The following RORA variants were observed in gnomAD, a reference collection of about 807,000 sequenced individuals.
RORA encodes the protein nuclear receptor ROR-alpha.
In RORA, 7 loss-of-function variants were observed where a neutral mutation model predicts 69.5. The observed-to-expected ratio is 0.10, with a 90% confidence interval of 0.06 to 0.19. RORA has a LOEUF of 0.19. RORA is among the 10% of genes least tolerant of loss of function. The probability of loss-of-function intolerance (pLI) is 1.00; values close to 1 mark genes in which losing one functional copy is unlikely to be tolerated. For missense variants in RORA, 457 were observed against 663.0 expected, an observed-to-expected ratio of 0.69 and a Z score of 3.41; for synonymous variants, 261 against 240.8, an observed-to-expected ratio of 1.08 and a Z score of -0.78.
At chr15:60,711,291 C>T (rs1478358801) in intron 1 of RORA, among the ~76,000 whole-genome samples, 1 of 152,172 alleles carries the variant, frequency 6.6e-6, no homozygotes, top group African/African-American at 2.4e-5. Context: ...CTTCTGCAGG[C>T]CCAGGCCTAC....
At chr15:60,896,139 A>G (rs1482336851) in intron 1 of RORA, among the ~76,000 whole-genome samples, 1 of 152,152 alleles carries the variant, frequency 6.6e-6, no homozygotes, top group African/African-American at 2.4e-5. Flanking sequence ...TTCAGAGAAG[A>G]CCCACTCATC....
intron 6 of RORA, 130 bp from the exon 7 acceptor site, chr15:60,503,797 C>CT (rs2065406151): frequency 1.9e-6 from 2 of 1,064,782 alleles, no homozygotes; most frequent in East Asian, 5.2e-5. Flanking sequence ...AAAGTGGGAT[C>CT]TTATTTTATT....
chr15:60,799,153 C>G (rs1281164747), intron 1 of RORA, among the ~76,000 whole-genome samples: 1 of 152,182 alleles, frequency 6.6e-6, no homozygotes, highest in African/African-American at 2.4e-5. Flanking sequence ...GACTCTCTAT[C>G]TCTCTTTGAA....
chr15:60,887,463 A>G (rs1477220002), intron 1 of RORA, among the ~76,000 whole-genome samples: 1 of 152,224 alleles, frequency 6.6e-6, no homozygotes, highest in Non-Finnish European at 1.5e-5. Flanking sequence ...TTCAAACCAA[A>G]GTGAAGCAAA....
intron 1 of RORA, among the ~76,000 whole-genome samples, chr15:60,735,336 T>C (rs142564551): frequency 3.2e-3 from 493 of 152,332 alleles, no homozygotes; most frequent in Non-Finnish European, 3.9e-3. Flanking sequence ...TTTTTTTATA[T>C]AATATTGCCA....
chr15:60,888,601 G>A (rs1438302173), intron 1 of RORA, among the ~76,000 whole-genome samples: 1 of 152,188 alleles, frequency 6.6e-6, no homozygotes, highest in East Asian at 1.9e-4. Context: ...CAAGGTAACA[G>A]CAGCCGTCTG....
intron 1 of RORA, among the ~76,000 whole-genome samples, chr15:60,782,981 C>T (rs1053181856): frequency 1.3e-5 from 2 of 152,122 alleles, no homozygotes; most frequent in Non-Finnish European, 2.9e-5. Context: ...TGGGACTATA[C>T]GCTAAGGAAA....
chr15:61,224,800 C>A (rs2080130914), intron 1 of RORA, among the ~76,000 whole-genome samples: 1 of 152,224 alleles, frequency 6.6e-6, no homozygotes, highest in Non-Finnish European at 1.5e-5. Context: ...CTCCCTGTGT[C>A]CCACTTCAGG....
rs374433414 is a variant in RORA, at chr15:60,763,065, A to ATTTTTTTTTTTTTTTT, written c.167-84395_167-84380dup. 5.8e-4 allele frequency among the ~76,000 whole-genome samples: 28 copies of ATTTTTTTTTTTTTTTT among 48,372 alleles called. 3 individuals are homozygous for ATTTTTTTTTTTTTTTT. Among genetic ancestry groups the ATTTTTTTTTTTTTTTT allele is most frequent in the East Asian group, 3.5e-3 (5 of 1,446 alleles). 31.7% of individuals were successfully genotyped at this position (48,372 alleles called of 152,430 possible). On this transcript the variant is annotated intron_variant, in intron 1 of 10. Coordinates refer to ENST00000335670, the MANE Select transcript of RORA (RefSeq NM_134261.3). Reference sequence around the variant, plus strand: ...AAAGTACTGTTTCCAATATGCACAGATTTTTTTTTTTTTTTTTTTTTTTTT... The same window carrying ATTTTTTTTTTTTTTTT: ...AAAGTACTGTTTCCAATATGCACAGATTTTTTTTTTTTTTTTTTTTTTTTTTTTTTTTTTTTTTTTT...
intron 2 of RORA, among the ~76,000 whole-genome samples, chr15:60,643,985 CTG>C (rs1334521932): frequency 6.6e-6 from 1 of 152,090 alleles, no homozygotes; most frequent in Non-Finnish European, 1.5e-5. Flanking sequence ...TTGGGAATGT[CTG>C]TGCATTTCTC....
chr15:60,757,738 C>A (rs2071823516), intron 1 of RORA, among the ~76,000 whole-genome samples: 1 of 152,132 alleles, frequency 6.6e-6, no homozygotes, highest in Non-Finnish European at 1.5e-5. Flanking sequence ...AAGGAACAGA[C>A]AAGTAAATGA....
chr15:60,592,898 G>A (rs1419909399), intron 2 of RORA: 3 of 456,130 alleles, frequency 6.6e-6, no homozygotes, highest in South Asian at 1.6e-5. Context: ...CAAGAGGCTC[G>A]CAACCCGACG....
chr15:61,207,293 C>G (rs992236296), intron 1 of RORA, among the ~76,000 whole-genome samples: 13 of 152,260 alleles, frequency 8.5e-5, no homozygotes, highest in Admixed American at 7.8e-4. Context: ...TCCTACAGGA[C>G]GTGCTAGCCA....
At chr15:60,994,324 A>G (rs1288233048) in intron 1 of RORA, among the ~76,000 whole-genome samples, 1 of 152,236 alleles carries the variant, frequency 6.6e-6, no homozygotes, top group African/African-American at 2.4e-5. Context: ...TCCAAGGCGA[A>G]TCTCCTCAAA....
intron 1 of RORA, among the ~76,000 whole-genome samples, chr15:60,974,343 C>A (rs936014838): frequency 4.2e-4 from 64 of 152,320 alleles, no homozygotes; most frequent in African/African-American, 1.4e-3. Flanking sequence ...TTCACCAGCA[C>A]CCCCTTGCCA....
intron 1 of RORA, among the ~76,000 whole-genome samples, chr15:61,078,076 T>A (rs2078479428): frequency 6.6e-6 from 1 of 152,230 alleles, no homozygotes; most frequent in Admixed American, 6.5e-5. Context: ...AAGTAACCAC[T>A]GGATAATAAG....
intron 1 of RORA, among the ~76,000 whole-genome samples, chr15:61,200,339 C>T (rs1175106928): frequency 6.6e-6 from 1 of 152,222 alleles, no homozygotes; most frequent in Non-Finnish European, 1.5e-5. Context: ...TGTTGAGAGG[C>T]CATCCAGGGC....
At chr15:61,120,294 C>T (rs1372844097) in intron 1 of RORA, among the ~76,000 whole-genome samples, 2 of 152,112 alleles carry the variant, frequency 1.3e-5, no homozygotes, top group African/African-American at 4.8e-5. Flanking sequence ...TATGCTTCAA[C>T]CCAGACCAAT....
chr15:60,957,701 C>T (rs1893308274), intron 1 of RORA, among the ~76,000 whole-genome samples: 1 of 152,172 alleles, frequency 6.6e-6, no homozygotes, highest in Non-Finnish European at 1.5e-5. Context: ...CACACCTAAT[C>T]TTAAAGGGTA....
Sources: allele counts gnomAD v4.1 joint callset (sites outside exome capture counted in the v4.1 genomes callset), GRCh38; gene constraint gnomAD v4.1.1; transcripts MANE v1.5; gene names NCBI Gene and HGNC (gene_info 2026-07-23, HGNC 2026-07-21).